Variants in LAYN observed in about 807,000 individuals in gnomAD.
The protein encoded by LAYN is layilin.
Under a neutral mutation model 43.6 loss-of-function variants are expected in LAYN, and 38 were observed. The observed-to-expected ratio is 0.87, with a 90% confidence interval of 0.67 to 1.14. LAYN has a LOEUF of 1.14. Ranked by LOEUF, LAYN falls within the 50% of genes most tolerant of loss-of-function variation. The pLI is 0.00. For synonymous variants in LAYN, 168 were observed against 172.9 expected (o/e 0.97, Z 0.22); for missense variants, 479 against 463.8 (o/e 1.03, Z -0.30).
intron 3 of LAYN, 25 bp downstream of exon 3, chr11:111,549,800 G>T: frequency 6.3e-7 from 1 of 1,584,294 alleles, no homozygotes. Context: ...CCCAAGCTAT[G>T]CGGCTGAATT....
chr11:111,546,061 CCTATTAGTAT>C (rs1303953686), intron 2 of LAYN, among the ~76,000 whole-genome samples: 1 of 151,974 alleles, frequency 6.6e-6, no homozygotes, highest in Non-Finnish European at 1.5e-5. Flanking sequence ...TCTGCCACTA[CCTATTAGTAT>C]CTATTGTACT....
chr11:111,544,048 G>A lies in LAYN; in HGVS notation c.211G>A (p.Val71Ile). 6 of 1,614,204 alleles carry A rather than the reference G, an allele frequency of 3.7e-6. No homozygotes were observed. Among genetic ancestry groups the A allele is most frequent in the South Asian group, 1.1e-5 (1 of 91,076 alleles). The change falls in exon 2 of 7, where the codon GTC becomes ATC. Residue 71 changes from valine (V) to isoleucine (I), a missense_variant. Physicochemically the swap from Val to Ile is conservative, Grantham distance 29. Coordinates refer to ENST00000375614, the MANE Select transcript of LAYN (RefSeq NM_178834.5). ...CTGCAGGAGGGATGGAGGCCAGCTAGTCAGCATCGAGTCTGAAGATGAACA... is the reference window on the plus strand; with the variant it reads ...CTGCAGGAGGGATGGAGGCCAGCTAATCAGCATCGAGTCTGAAGATGAACA... The part of the protein sequence containing the change: ...EACRRDGGQL[V>I]SIESEDEQKL...
Position 111,560,169 on chromosome 11 carries a change from C to A in LAYN, c.836C>A (p.Pro279Gln). 3.7e-6 allele frequency: 6 copies of A among 1,614,174 alleles called. No individual in the cohort carries two copies. The highest frequency in any genetic ancestry group is 4.2e-6 in the Non-Finnish European group (5 of 1,180,028). The change falls in exon 7 of 7, where the codon CCG (proline) becomes CAG (glutamine). Residue 279 changes from proline (P) to glutamine (Q), a missense_variant. Coordinates refer to ENST00000375614, the MANE Select transcript of LAYN (RefSeq NM_178834.5). Reference sequence around the variant, plus strand: ...CCCTCTCCTCACCAGGGAAACAGCCCGGACCTAGAGGTCTACAATGTCATA... The same window carrying A: ...CCCTCTCCTCACCAGGGAAACAGCCAGGACCTAGAGGTCTACAATGTCATA... The part of the protein sequence containing the change: ...IWPSPHQGNS[P>Q]DLEVYNVIRK...
intron 4 of LAYN, among the ~76,000 whole-genome samples, chr11:111,554,975 C>A (rs1867808963): frequency 6.6e-6 from 1 of 152,216 alleles, no homozygotes; most frequent in Admixed American, 6.5e-5. Flanking sequence ...ATGTCAGCTG[C>A]TTCTTGATTG....
intron 4 of LAYN, 76 bp downstream of exon 4, chr11:111,554,669 C>A: frequency 1.6e-6 from 2 of 1,270,346 alleles, no homozygotes; most frequent in South Asian, 1.2e-5. Context: ...AGCCCTATGT[C>A]CTTTGGACTG....
At chr11:111,548,079 A>G (rs1462745365) in intron 2 of LAYN, among the ~76,000 whole-genome samples, 1 of 152,238 alleles carries the variant, frequency 6.6e-6, no homozygotes, top group Admixed American at 6.5e-5. Context: ...ATCCTGGGCC[A>G]GACCTCTACT....
chr11:111,545,620 C>A (rs189232676), intron 2 of LAYN, among the ~76,000 whole-genome samples: 2 of 152,260 alleles, frequency 1.3e-5, no homozygotes, highest in East Asian at 1.9e-4. Context: ...CCAGAGTGTC[C>A]AAATGACAGT....
intron 3 of LAYN, 37 bp downstream of exon 3, chr11:111,549,812 TC>T (rs1867711592): frequency 1.3e-6 from 2 of 1,566,504 alleles, no homozygotes; most frequent in Non-Finnish European, 1.7e-6. Flanking sequence ...GGCTGAATTC[TC>T]AACTTCTCTC....
At chr11:111,543,199 A>G (rs537651324) in intron 1 of LAYN, among the ~76,000 whole-genome samples, 10 of 152,176 alleles carry the variant, frequency 6.6e-5, no homozygotes, top group Non-Finnish European at 1.3e-4. Context: ...AAATTACTTA[A>G]CTTCCCTGAG....
At chr11:111,540,672 G>A (rs1336389019), upstream of LAYN, 1 of 578,124 alleles carries the variant, frequency 1.7e-6, no homozygotes, top group Non-Finnish European at 2.9e-6. Context: ...GACGTCCCAG[G>A]GGGCGGAGGG....
Position 111,561,389 on chromosome 11 carries a change from A to T in LAYN, c.*931A>T, listed in dbSNP as rs1867954873. ...CAAAAATATTTTTTAAAGAAACTAA[A>T]AATGAAATTTGAGTCTCAGCTTCTA... On this transcript the variant is annotated 3_prime_UTR_variant, in exon 7 of 7. Transcript: ENST00000375614. The T allele has an allele frequency of 6.6e-6, 1 of 152,172 alleles. No individual in the cohort carries two copies. Among genetic ancestry groups the T allele is most frequent in the Non-Finnish European group, 1.5e-5 (1 of 68,042 alleles). The allele number at this position is 152,172 out of a possible 1,614,324, so 9.4% of individuals were successfully genotyped here.
intron 1 of LAYN, 130 bp downstream of exon 1, chr11:111,541,058 C>T (rs1867526923): frequency 2.4e-6 from 2 of 821,800 alleles, no homozygotes; most frequent in Non-Finnish European, 3.7e-6. Context: ...CCAGACGCAG[C>T]CCTTCGGAGT....
chr11:111,557,532 T>G lies in LAYN; in HGVS notation c.659-9T>G. 6.2e-7 allele frequency: 1 copy of G among 1,610,050 alleles called. No homozygotes were observed. The highest frequency in any genetic ancestry group is 8.5e-7 in the Non-Finnish European group (1 of 1,176,290). On this transcript the variant is annotated splice_polypyrimidine_tract_variant and intron_variant, in intron 5 of 6. Coordinates refer to ENST00000375614, the MANE Select transcript of LAYN (RefSeq NM_178834.5). ...GCCAATGCTGATCATGTGCTTTCTT[T>G]CTTTTCAGAAGCTGCCTTGAATCTG...
chr11:111,549,553 C>A, intron 2 of LAYN, 65 bp from the exon 3 acceptor site: 1 of 1,350,732 alleles, frequency 7.4e-7, no homozygotes, highest in Non-Finnish European at 9.9e-7. Context: ...GACGGGAAAA[C>A]AAAGGCTTTG....
intron 3 of LAYN, among the ~76,000 whole-genome samples, chr11:111,552,247 A>G (rs1867757936): frequency 6.6e-6 from 1 of 152,194 alleles, no homozygotes; most frequent in Non-Finnish European, 1.5e-5. Flanking sequence ...AGCCTTCCAG[A>G]GCCCCTCAAA....
chr11:111,540,820 C>CG lies in LAYN; in HGVS notation c.-18dup. ...CTCCACCGCCGTAGCGCCCGAGTGT[C>CG]GGGGGGCGCACCCGAGTCGGGCCAT... On this transcript the variant is annotated 5_prime_UTR_variant, in exon 1 of 7. Coordinates refer to ENST00000375614, the MANE Select transcript of LAYN (RefSeq NM_178834.5). 4 of 1,518,680 alleles carry CG rather than the reference C, an allele frequency of 2.6e-6. No individual in the cohort carries two copies. The highest frequency in any genetic ancestry group is 1.2e-5 in the South Asian group (1 of 82,368). The allele number at this position is 1,518,680 out of a possible 1,614,324, so 94.1% of individuals were successfully genotyped here.
intron 3 of LAYN, among the ~76,000 whole-genome samples, chr11:111,552,936 A>C (rs990688798): frequency 6.6e-6 from 1 of 152,144 alleles, no homozygotes; most frequent in Non-Finnish European, 1.5e-5. Context: ...GTTTGGTTGA[A>C]ATTCCTTTAC....
chr11:111,545,789 A>T (rs921414295), intron 2 of LAYN, among the ~76,000 whole-genome samples: 3 of 152,080 alleles, frequency 2.0e-5, no homozygotes, highest in African/African-American at 7.2e-5. Flanking sequence ...TCCTGCTTCC[A>T]CCCCTCAGCT....
At position 111,554,567 on chromosome 11, in the gene LAYN, C is replaced by T. The variant is rs1335650158; in HGVS notation, c.548C>T (p.Pro183Leu). ...TTGTTTCTTTCTACTACAGAGAAAC[C>T]AGCAGTTCCTTCTAGAGAAGCTGAA... ...NFICKYSDEK[P>L]AVPSREAEGE... The change falls in exon 4 of 7, where the codon CCA becomes CTA. Residue 183 changes from proline to leucine, a missense_variant. Transcript: ENST00000375614. The T allele has an allele frequency of 1.2e-6, 2 of 1,612,624 alleles. No homozygotes were observed. Among genetic ancestry groups the T allele is most frequent in the Non-Finnish European group, 1.7e-6 (2 of 1,179,430 alleles).
Sources: gnomAD v4.1 joint callset for allele counts (sites outside exome capture counted in the v4.1 genomes callset) on GRCh38, gnomAD v4.1.1 for gene constraint, MANE v1.5 for transcripts, NCBI Gene and HGNC (gene_info 2026-07-23, HGNC 2026-07-21) for gene names.